The following PDE4B variants were observed in gnomAD, a reference collection of about 807,000 sequenced individuals.
PDE4B encodes the protein phosphodiesterase 4B.
A neutral mutation model predicts 82.2 loss-of-function variants in PDE4B; 20 were observed. The observed-to-expected ratio is 0.24, with a 90% CI of 0.17 to 0.35. The LOEUF (loss-of-function observed/expected upper bound fraction) is 0.35, where lower values mean the gene tolerates loss of function less well. Among genes scored for constraint, PDE4B ranks in the 10% least tolerant of loss-of-function variants. The pLI is 1.00. For synonymous variants in PDE4B, 320 were observed against 318.9 expected, an observed-to-expected ratio of 1.00 and a Z score of -0.04; for missense variants, 655 against 907.2, an observed-to-expected ratio of 0.72 and a Z score of 3.57.
intron 3 of PDE4B, among the ~76,000 whole-genome samples, chr1:66,241,983 G>A (rs561980803): frequency 6.6e-6 from 1 of 152,300 alleles, no homozygotes; most frequent in South Asian, 2.1e-4. Context: ...GCCTTTTGGT[G>A]TGATACTCAG....
At chr1:65,799,177 C>G (rs963344106) in intron 1 of PDE4B, among the ~76,000 whole-genome samples, 1 of 152,052 alleles carries the variant, frequency 6.6e-6, no homozygotes, top group African/African-American at 2.4e-5. Context: ...TAGAGATCAC[C>G]TATTTCAACC....
intron 3 of PDE4B, among the ~76,000 whole-genome samples, chr1:66,043,574 A>G (rs1184511353): frequency 6.6e-6 from 1 of 151,788 alleles, no homozygotes; most frequent in Non-Finnish European, 1.5e-5. Context: ...GGTTTCTGGT[A>G]CATTGCCTAG....
At chr1:66,046,159 T>G (rs1488388854) in intron 3 of PDE4B, 2 of 151,778 alleles carry the variant, frequency 1.3e-5, no homozygotes, top group African/African-American at 4.8e-5. Flanking sequence ...GCGATAGAGA[T>G]GGAGGAGAGA....
intron 3 of PDE4B, among the ~76,000 whole-genome samples, chr1:66,221,480 A>T (rs1170201383): frequency 2.0e-5 from 3 of 152,160 alleles, no homozygotes; most frequent in Non-Finnish European, 4.4e-5. Flanking sequence ...TTTTATAAAA[A>T]ATGTAAAACA....
At chr1:66,302,431 G>A (rs1439363763) in intron 7 of PDE4B, among the ~76,000 whole-genome samples, 1 of 152,188 alleles carries the variant, frequency 6.6e-6, no homozygotes, top group Non-Finnish European at 1.5e-5. Context: ...ACTGTCAGCA[G>A]ATGATATTAA....
intron 1 of PDE4B, among the ~76,000 whole-genome samples, chr1:65,809,280 G>A (rs1423004099): frequency 7.6e-6 from 1 of 131,482 alleles, no homozygotes; most frequent in Non-Finnish European, 1.6e-5. Flanking sequence ...GCAGTGAACT[G>A]AGATTGCACC....
In PDE4B at chr1:66,359,428, CTG is replaced by C. The variant is rs369932031; in HGVS notation, c.842-2184_842-2183del. 8.6e-4 allele frequency among the ~76,000 whole-genome samples: 131 copies of C among 152,310 alleles called. 1 individual carries two copies. The South Asian group carries it at 0.026, about 30-fold the overall frequency. On this transcript the variant is annotated intron_variant, in intron 9 of 16. Transcript: ENST00000341517. Reference sequence around the variant, plus strand: ...GTCTGAGTTTCTGATTATTTCCACACTGTGCTGGCTAAGCATTTAATAGAGGA... The same window carrying C: ...GTCTGAGTTTCTGATTATTTCCACACTGCTGGCTAAGCATTTAATAGAGGA...
At chr1:66,085,192 C>G (rs1334777110) in intron 3 of PDE4B, among the ~76,000 whole-genome samples, 1 of 152,182 alleles carries the variant, frequency 6.6e-6, no homozygotes, top group African/African-American at 2.4e-5. Flanking sequence ...TCTTTGCAGG[C>G]AGCTGCGGGT....
chr1:66,239,267 T>C (rs1193025525), intron 3 of PDE4B, among the ~76,000 whole-genome samples: 1 of 152,214 alleles, frequency 6.6e-6, no homozygotes, highest in East Asian at 1.9e-4. Context: ...GAATATTTTG[T>C]ATACTCAAAG....
At chr1:65,933,179 C>T (rs1647932368) in intron 3 of PDE4B, among the ~76,000 whole-genome samples, 1 of 152,060 alleles carries the variant, frequency 6.6e-6, no homozygotes, top group Non-Finnish European at 1.5e-5. Context: ...AAAGTCAAGG[C>T]AAAGGGAGAA....
chr1:66,162,195 A>AG (rs1184415745), intron 3 of PDE4B, among the ~76,000 whole-genome samples: 6 of 150,960 alleles, frequency 4.0e-5, no homozygotes, highest in African/African-American at 4.9e-5. Context: ...AGGTGCCCTG[A>AG]GGCTCTAGGG....
At chr1:66,266,829 A>C (rs963371239) in intron 7 of PDE4B, 5 of 403,344 alleles carry the variant, frequency 1.2e-5, no homozygotes, top group Non-Finnish European at 2.5e-5. Context: ...GTTTTCTCCT[A>C]AATCTGTTCC....
At chr1:66,020,640 T>C (rs900895198) in intron 3 of PDE4B, among the ~76,000 whole-genome samples, 1 of 152,240 alleles carries the variant, frequency 6.6e-6, no homozygotes, top group African/African-American at 2.4e-5. Context: ...ACAAAGGAGA[T>C]GAACTCATCC....
rs1570959129 is a variant in PDE4B at position 65,809,925 on chromosome 1, T to G, written c.-71+16677T>G. 2.6e-5 allele frequency among the ~76,000 whole-genome samples: 4 copies of G among 152,396 alleles called. No homozygotes were observed. In the Middle Eastern group the frequency reaches 0.01, roughly 389 times the overall value. On this transcript the variant is annotated intron_variant, in intron 1 of 16. Transcript: ENST00000341517. ...GCTTAACTTATTTATGAATAGTTTC[T>G]GCTGTGGATCTTTTTGGTGCTCTTA...
At chr1:66,037,578 TTCA>T (rs1388178052) in intron 3 of PDE4B, among the ~76,000 whole-genome samples, 1 of 152,148 alleles carries the variant, frequency 6.6e-6, no homozygotes. Flanking sequence ...ATGATTTTAC[TTCA>T]TCATTTCCTA....
intron 3 of PDE4B, among the ~76,000 whole-genome samples, chr1:66,072,656 A>T (rs1656212855): frequency 6.6e-6 from 1 of 152,056 alleles, no homozygotes; most frequent in African/African-American, 2.4e-5. Context: ...ACTCACTAGG[A>T]TTCTCTGTCT....
chr1:65,992,678 C>T lies in PDE4B; in HGVS notation c.281+73843C>T, dbSNP rs771932029. On this transcript the variant is annotated intron_variant, in intron 3 of 16. Coordinates refer to ENST00000341517, the MANE Select transcript of PDE4B (RefSeq NM_002600.4). ...GCTACTGACATTGGAAGCACTTTGG[C>T]GCATTTTCAGAGGCAAAGCCAGCCT... 43 of 1,259,310 alleles carry T rather than the reference C, an allele frequency of 3.4e-5. 1 individual carries two copies. Among genetic ancestry groups the T allele is most frequent in the South Asian group, 1.2e-4 (5 of 42,546 alleles). 78.0% of individuals were successfully genotyped at this position (1,259,310 alleles called of 1,614,324 possible).
chr1:66,305,603 A>G (rs1658215887), intron 7 of PDE4B, among the ~76,000 whole-genome samples: 1 of 152,116 alleles, frequency 6.6e-6, no homozygotes, highest in Non-Finnish European at 1.5e-5. Flanking sequence ...TGTGTCTAAT[A>G]TCCTCCAGCT....
chr1:66,351,481 A>G (rs1019151780), intron 8 of PDE4B, among the ~76,000 whole-genome samples: 1 of 152,232 alleles, frequency 6.6e-6, no homozygotes, highest in Non-Finnish European at 1.5e-5. Flanking sequence ...CAAAAGTCTT[A>G]CACTATGAAA....
Sources: gnomAD v4.1 joint callset for allele counts (sites outside exome capture counted in the v4.1 genomes callset) on GRCh38, gnomAD v4.1.1 for gene constraint, MANE v1.5 for transcripts, NCBI Gene and HGNC (gene_info 2026-07-23, HGNC 2026-07-21) for gene names.